Variants in RALYL observed in about 807,000 individuals in gnomAD.
The protein encoded by RALYL is RNA-binding Raly-like protein.
RALYL carries 29 observed loss-of-function variants against 35.1 expected under a neutral mutation model. That is an observed-to-expected ratio of 0.83 (90% confidence interval 0.61 to 1.13). The LOEUF (loss-of-function observed/expected upper bound fraction) is 1.13, where lower values mean the gene tolerates loss of function less well. Ranked by LOEUF, RALYL falls within the 50% of genes most tolerant of loss-of-function variation. The probability of loss-of-function intolerance (pLI) is 0.00; values close to 1 mark genes in which losing one functional copy is unlikely to be tolerated. For synonymous variants in RALYL, 120 were observed against 127.6 expected, an observed-to-expected ratio of 0.94 and a Z score of 0.40; for missense variants, 359 against 360.4, an observed-to-expected ratio of 1.00 and a Z score of 0.03.
At chr8:84,644,906 C>G (rs1827161562) in intron 2 of RALYL, among the ~76,000 whole-genome samples, 2 of 151,846 alleles carry the variant, frequency 1.3e-5, no homozygotes, top group Non-Finnish European at 2.9e-5. Flanking sequence ...TATGCACCAC[C>G]ACACCCAGCT....
chr8:84,228,056 G>A (rs1169781408), intron 1 of RALYL, among the ~76,000 whole-genome samples: 1 of 151,746 alleles, frequency 6.6e-6, no homozygotes, highest in Non-Finnish European at 1.5e-5. Context: ...AGAGCTGTAA[G>A]GGAGTGAATT....
chr8:84,626,420 C>T (rs1246990921), intron 2 of RALYL, among the ~76,000 whole-genome samples: 1 of 152,174 alleles, frequency 6.6e-6, no homozygotes, highest in Middle Eastern at 3.2e-3. Flanking sequence ...ACGATGGAGT[C>T]ATTTCTTCAC....
chr8:84,784,068 A>G (rs1818813640), intron 3 of RALYL, among the ~76,000 whole-genome samples: 1 of 142,498 alleles, frequency 7.0e-6, no homozygotes. Flanking sequence ...AGGACTGACT[A>G]CTGAAGATTG....
intron 1 of RALYL, among the ~76,000 whole-genome samples, chr8:84,234,231 C>G (rs975270036): frequency 6.6e-6 from 1 of 152,168 alleles, no homozygotes; most frequent in African/African-American, 2.4e-5. Flanking sequence ...CCTCTTTGCT[C>G]ATCATTTCTT....
intron 2 of RALYL, among the ~76,000 whole-genome samples, chr8:84,620,844 T>A (rs1015342001): frequency 6.6e-6 from 1 of 152,160 alleles, no homozygotes; most frequent in Non-Finnish European, 1.5e-5. Flanking sequence ...TCTGCTGGAG[T>A]ACCCTGCCGT....
At chr8:84,364,445 T>G (rs1389195899) in intron 1 of RALYL, among the ~76,000 whole-genome samples, 4 of 152,188 alleles carry the variant, frequency 2.6e-5, no homozygotes, top group Admixed American at 6.5e-5. Flanking sequence ...AAAAATGTTC[T>G]TTATTGAAAT....
At chr8:84,705,760 A>T (rs1277764643) in intron 2 of RALYL, among the ~76,000 whole-genome samples, 1 of 152,186 alleles carries the variant, frequency 6.6e-6, no homozygotes, top group Non-Finnish European at 1.5e-5. Flanking sequence ...TACAGATTTC[A>T]TTAGAGAACT....
intron 4 of RALYL, among the ~76,000 whole-genome samples, chr8:84,837,230 G>A (rs1182891422): frequency 2.0e-5 from 3 of 152,262 alleles, no homozygotes; most frequent in African/African-American, 7.2e-5. Flanking sequence ...ATTCCTTGAG[G>A]TTAGAAGTCA....
chr8:84,734,553 A>G (rs1305218419), intron 2 of RALYL, among the ~76,000 whole-genome samples: 1 of 152,158 alleles, frequency 6.6e-6, no homozygotes, highest in Non-Finnish European at 1.5e-5. Flanking sequence ...ATAGAGAAAC[A>G]GAATTTTAGA....
intron 2 of RALYL, among the ~76,000 whole-genome samples, chr8:84,545,252 C>T (rs2060278892): frequency 6.6e-6 from 1 of 152,110 alleles, no homozygotes; most frequent in Non-Finnish European, 1.5e-5. Flanking sequence ...GCAACCAGTT[C>T]TATTTTTGGA....
At position 84,821,566 on chromosome 8, in the gene RALYL, G is replaced by T. The variant is rs145631693; in HGVS notation, c.365+16764G>T. On this transcript the variant is annotated intron_variant, in intron 4 of 8. Coordinates refer to ENST00000521268, the MANE Select transcript of RALYL (RefSeq NM_173848.7). Reference sequence around the variant, plus strand: ...CCAGATTTGCACTATAAAAGTGCTAGCAACAGTTTTAAAGCCTCACTTCCC... The same window carrying T: ...CCAGATTTGCACTATAAAAGTGCTATCAACAGTTTTAAAGCCTCACTTCCC... 3.7e-4 allele frequency among the ~76,000 whole-genome samples: 57 copies of T among 152,290 alleles called. 1 individual carries two copies. The highest frequency in any genetic ancestry group is 3.0e-3 in the Admixed American group (46 of 15,284).
intron 2 of RALYL, among the ~76,000 whole-genome samples, chr8:84,697,322 A>G (rs1368688783): frequency 6.6e-6 from 1 of 152,078 alleles, no homozygotes; most frequent in Admixed American, 6.6e-5. Context: ...AACTATGAAT[A>G]AATCTTCTTA....
At chr8:84,581,143 T>C (rs192671994) in intron 2 of RALYL, among the ~76,000 whole-genome samples, 1 of 152,312 alleles carries the variant, frequency 6.6e-6, no homozygotes, top group Non-Finnish European at 1.5e-5. Flanking sequence ...AAAGTTGCAT[T>C]GCCTTATCAG....
rs149661338 is a variant in RALYL at position 84,808,215 on chromosome 8, A to G, written c.365+3413A>G. Among the ~76,000 whole-genome samples, 56 of 152,270 alleles carry G rather than the reference A, an allele frequency of 3.7e-4. No individual in the cohort carries two copies. The East Asian group carries it at 9.8e-3, about 27-fold the overall frequency. ...GATGAGGATCCAGTTTCATTCTCCTACATGTGGCTTGCCAATTATCCCAGT... is the reference window on the plus strand; with the variant it reads ...GATGAGGATCCAGTTTCATTCTCCTGCATGTGGCTTGCCAATTATCCCAGT... On this transcript the variant is annotated intron_variant, in intron 4 of 8. Coordinates refer to ENST00000521268, the MANE Select transcript of RALYL (RefSeq NM_173848.7).
chr8:84,529,690 G>A (rs1588011102), intron 2 of RALYL, 113 bp downstream of exon 2: 1 of 780,224 alleles, frequency 1.3e-6, no homozygotes, highest in Non-Finnish European at 1.9e-6. Flanking sequence ...ACCAATTAGA[G>A]TGATTTTATA....
At position 84,428,102 on chromosome 8, in the gene RALYL, T is replaced by A. The variant is rs1188799853; in HGVS notation, c.-23-101197T>A. On this transcript the variant is annotated intron_variant, in intron 1 of 8. Transcript: ENST00000521268. ...GTCTCTCTCTCTCTCTCTCTCTCTCTCTCTCACACACACACACACACACAC... is the reference window on the plus strand; with the variant it reads ...GTCTCTCTCTCTCTCTCTCTCTCTCACTCTCACACACACACACACACACAC... Among the ~76,000 whole-genome samples, 299 of 131,212 alleles carry A rather than the reference T, an allele frequency of 2.3e-3. 1 individual carries two copies. The highest frequency in any genetic ancestry group is 8.2e-3 in the African/African-American group (258 of 31,346). 86.1% of individuals were successfully genotyped at this position (131,212 alleles called of 152,430 possible). A position where few individuals can be genotyped will look rare whatever the true frequency, so the allele number is the denominator to read the frequency against.
At chr8:84,332,423 G>A (rs1847003952) in intron 1 of RALYL, among the ~76,000 whole-genome samples, 1 of 152,036 alleles carries the variant, frequency 6.6e-6, no homozygotes, top group African/African-American at 2.4e-5. Flanking sequence ...TATTATATAT[G>A]CATATACAAG....
At chr8:84,411,363 C>A (rs1245916253) in intron 1 of RALYL, among the ~76,000 whole-genome samples, 1 of 151,810 alleles carries the variant, frequency 6.6e-6, no homozygotes, top group East Asian at 1.9e-4. Context: ...TCTAGTGACT[C>A]CATTTTACAG....
At chr8:84,586,038 T>C (rs945524941) in intron 2 of RALYL, among the ~76,000 whole-genome samples, 11 of 151,850 alleles carry the variant, frequency 7.2e-5, no homozygotes, top group Non-Finnish European at 1.6e-4. Context: ...CTACTAAAAA[T>C]GCAAAAATTA....
Sources: gnomAD v4.1 joint callset for allele counts (sites outside exome capture counted in the v4.1 genomes callset) on GRCh38, gnomAD v4.1.1 for gene constraint, MANE v1.5 for transcripts, NCBI Gene and HGNC (gene_info 2026-07-23, HGNC 2026-07-21) for gene names.